Variants in EFR3B observed in about 807,000 individuals in gnomAD.
The protein encoded by EFR3B is EFR3 homolog B, also known as protein EFR3 homolog B.
In EFR3B, 64 loss-of-function variants were observed where a neutral mutation model predicts 104.7. That is an observed-to-expected ratio of 0.61 (90% CI 0.50 to 0.75). The LOEUF is 0.75. EFR3B is among the 30% of genes least tolerant of loss of function. The probability of loss-of-function intolerance (pLI) is 0.00; values close to 1 mark genes in which losing one functional copy is unlikely to be tolerated. For synonymous variants in EFR3B, 385 were observed against 417.9 expected (o/e 0.92, Z 0.96); for missense variants, 750 against 1,078.5 (o/e 0.70, Z 4.27).
intron 1 of EFR3B, among the ~76,000 whole-genome samples, chr2:25,089,610 A>C (rs369285335): frequency 1.6e-3 from 245 of 152,246 alleles, no homozygotes; most frequent in African/African-American, 5.3e-3. Flanking sequence ...CTGCAGGTTT[A>C]AACCCTGGGC....
chr2:25,080,046 GCAT>G, intron 1 of EFR3B: 1 of 877,974 alleles, frequency 1.1e-6, no homozygotes, highest in Non-Finnish European at 1.9e-6. Context: ...CGGTGCCTTA[GCAT>G]CATCAACTCG....
At chr2:25,081,179 C>T (rs193169790) in intron 1 of EFR3B, 4 of 747,968 alleles carry the variant, frequency 5.3e-6, no homozygotes, top group African/African-American at 1.7e-5. Context: ...GCTTGGTAAA[C>T]AACTTTTTCC....
At chr2:25,096,599 C>G (rs1284805098) in intron 3 of EFR3B, among the ~76,000 whole-genome samples, 1 of 152,136 alleles carries the variant, frequency 6.6e-6, no homozygotes, top group Non-Finnish European at 1.5e-5. Flanking sequence ...GCCCACCACC[C>G]CCGCCACACC....
chr2:25,108,649 A>G (rs562314937), intron 4 of EFR3B, among the ~76,000 whole-genome samples: 5 of 152,228 alleles, frequency 3.3e-5, no homozygotes, highest in Admixed American at 6.5e-5. Flanking sequence ...CTTAGATATG[A>G]TATCAAAAGC....
In EFR3B at chr2:25,123,314, C is replaced by T. The variant is rs547783488; in HGVS notation, c.485+1520C>T. 5.0e-4 allele frequency among the ~76,000 whole-genome samples: 75 copies of T among 151,482 alleles called. No homozygotes were observed. The South Asian group carries it at 0.015, about 31-fold the overall frequency. ...GGTCGAGGCTGCAGTGAGCCATGAT[C>T]GCACCCCTGCACTCCAGCCTGGGTG... On this transcript the variant is annotated intron_variant, in intron 5 of 22. Transcript: ENST00000403714.
chr2:25,100,318 T>C (rs1049327966), intron 3 of EFR3B, among the ~76,000 whole-genome samples: 1 of 152,226 alleles, frequency 6.6e-6, no homozygotes, highest in Admixed American at 6.5e-5. Context: ...ATTTACGGCA[T>C]GTGAACCTGA....
rs1272613997 is a variant in EFR3B, at chr2:25,131,349, G to A, written c.850-19G>A. 15 of 1,548,876 alleles carry A rather than the reference G, an allele frequency of 9.7e-6. No individual in the cohort carries two copies. The highest frequency in any genetic ancestry group is 2.4e-5 in the East Asian group (1 of 40,886). On this transcript the variant is annotated intron_variant, in intron 8 of 22. Coordinates refer to ENST00000403714, the MANE Select transcript of EFR3B (RefSeq NM_014971.2). The surrounding 1 kb of genome is among the most constrained non-coding windows in gnomAD (Gnocchi z 7.6). ...CCCGTGGGGTTGCTGTCCAGGCCCA[G>A]CTCATCTTCCTCCCGCAGCCGCAGC...
chr2:25,044,568 G>T (rs1444670924), intron 1 of EFR3B, among the ~76,000 whole-genome samples: 1 of 152,110 alleles, frequency 6.6e-6, no homozygotes, highest in African/African-American at 2.4e-5. Context: ...GGGCCTCCTG[G>T]CACTGCGCTT....
chr2:25,132,403 T>C (rs1022594313), intron 10 of EFR3B, among the ~76,000 whole-genome samples: 1 of 152,144 alleles, frequency 6.6e-6, no homozygotes, highest in African/African-American at 2.4e-5. Flanking sequence ...AAAATGTGTG[T>C]GCTCCTGGGA....
In EFR3B at chr2:25,158,421, C is replaced by T. The variant is rs1023554880; in HGVS notation, c.*4081C>T. 1 of 152,316 alleles carries T rather than the reference C, an allele frequency of 6.6e-6. No individual in the cohort carries two copies. The highest frequency in any genetic ancestry group is 2.4e-5 in the African/African-American group (1 of 41,472). The allele number at this position is 152,316 out of a possible 1,614,324, so 9.4% of individuals were successfully genotyped here. ...GTGCTGAAACCAGGCATCTCCCTCA[C>T]ACCTGGGGAAAGGTTTAGGGCAACA... On this transcript the variant is annotated 3_prime_UTR_variant, in exon 23 of 23. Coordinates refer to ENST00000403714, the MANE Select transcript of EFR3B (RefSeq NM_014971.2).
At chr2:25,139,279 C>G in intron 16 of EFR3B, 89 bp downstream of exon 16, 1 of 1,421,338 alleles carries the variant, frequency 7.0e-7, no homozygotes, top group Non-Finnish European at 9.3e-7. Flanking sequence ...AGTCCTGTAC[C>G]TACACTTAGG....
intron 6 of EFR3B, among the ~76,000 whole-genome samples, chr2:25,128,942 C>G (rs1368551176): frequency 9.0e-6 from 1 of 111,582 alleles, no homozygotes; most frequent in African/African-American, 3.4e-5. Flanking sequence ...GCCTGGGCGA[C>G]GGAGCGAGAC....
At chr2:25,084,292 A>T (rs914068395) in intron 1 of EFR3B, among the ~76,000 whole-genome samples, 3 of 151,642 alleles carry the variant, frequency 2.0e-5, no homozygotes, top group Non-Finnish European at 4.4e-5. Context: ...GCTGGAGTGC[A>T]GTGGTGCGAT....
At position 25,155,807 on chromosome 2, in the gene EFR3B, C is replaced by T. The variant is rs886207033; in HGVS notation, c.*1467C>T. The T allele has an allele frequency of 6.6e-6, 1 of 152,168 alleles. No individual in the cohort carries two copies. Among genetic ancestry groups the T allele is most frequent in the African/African-American group, 2.4e-5 (1 of 41,442 alleles). The allele number at this position is 152,168 out of a possible 1,614,324, so 9.4% of individuals were successfully genotyped here. On this transcript the variant is annotated 3_prime_UTR_variant, in exon 23 of 23. Coordinates refer to ENST00000403714, the MANE Select transcript of EFR3B (RefSeq NM_014971.2). ...CGTTCTCTCCCTGGAGTCTGCTTTC[C>T]AAAGGAGGCAGGGTGAGTAGATTTC...
chr2:25,088,455 G>A (rs1293538749), intron 1 of EFR3B, among the ~76,000 whole-genome samples: 2 of 152,112 alleles, frequency 1.3e-5, no homozygotes, highest in Non-Finnish European at 2.9e-5. Flanking sequence ...GGCCTTGGTC[G>A]CTGTGGCCAA....
intron 18 of EFR3B, among the ~76,000 whole-genome samples, 191 bp from the exon 19 acceptor site, chr2:25,144,769 C>T (rs190059765): frequency 6.6e-6 from 1 of 152,316 alleles, no homozygotes; most frequent in East Asian, 1.9e-4. Context: ...AAACTGACCA[C>T]CCTAAGATGG....
In EFR3B at chr2:25,154,275, G is replaced by C; in HGVS notation, c.2389G>C (p.Gly797Arg). 6.4e-7 allele frequency: 1 copy of C among 1,551,866 alleles called. No individual in the cohort carries two copies. The highest frequency in any genetic ancestry group is 8.7e-7 in the Non-Finnish European group (1 of 1,147,050). ...SPSGTITAAY[G>R]QPQNHSIPVY... Reference sequence around the variant, plus strand: ...ATCAGGAACCATCACTGCAGCCTACGGTCAGCCGCAGAACCACTCCATCCC... The same window carrying C: ...ATCAGGAACCATCACTGCAGCCTACCGTCAGCCGCAGAACCACTCCATCCC... Residue 797 changes from glycine (G) to arginine (R), a missense_variant, in exon 23 of 23, where the codon GGT (glycine) becomes CGT (arginine). Transcript: ENST00000403714. This position sits in a 1 kb window ranked among gnomAD's most constrained non-coding sequence, Gnocchi z 4.1.
chr2:25,097,084 T>C (rs566933434), intron 3 of EFR3B, among the ~76,000 whole-genome samples: 1 of 152,318 alleles, frequency 6.6e-6, no homozygotes, highest in East Asian at 1.9e-4. Flanking sequence ...CATTTAATAC[T>C]AATTTCACTG....
chr2:25,061,099 A>G (rs1573171432), intron 1 of EFR3B, among the ~76,000 whole-genome samples: 1 of 151,754 alleles, frequency 6.6e-6, no homozygotes, highest in Non-Finnish European at 1.5e-5. Flanking sequence ...ACTCAGCCAC[A>G]GGGGTTGGCA....
Sources: allele counts gnomAD v4.1 joint callset (sites outside exome capture counted in the v4.1 genomes callset), GRCh38; gene constraint gnomAD v4.1.1; non-coding constraint Gnocchi (gnomAD v3.1); transcripts MANE v1.5; gene names NCBI Gene and HGNC (gene_info 2026-07-23, HGNC 2026-07-21).